DTL: variants seen among roughly 807,000 people sequenced by gnomAD.
The protein encoded by DTL is denticleless protein homolog.
A neutral mutation model predicts 87.0 loss-of-function variants in DTL; 46 were observed. The ratio of observed to expected loss-of-function variants is 0.53; its 90% CI spans 0.42 to 0.68. The LOEUF (loss-of-function observed/expected upper bound fraction) is 0.68, where lower values mean the gene tolerates loss of function less well. Ranked by LOEUF, DTL falls within the 30% of genes least tolerant of loss-of-function variation. The pLI is 0.00. For synonymous variants in DTL, 308 were observed against 311.2 expected (o/e 0.99, Z 0.11); for missense variants, 737 against 869.4 (o/e 0.85, Z 1.91).
chr1:212,037,941 T>A (rs1667535636), intron 1 of DTL, among the ~76,000 whole-genome samples: 1 of 152,234 alleles, frequency 6.6e-6, no homozygotes, highest in African/African-American at 2.4e-5. Context: ...TATTTTACAA[T>A]GATTTGTATT....
At chr1:212,050,487 A>G (rs1169669958) in intron 5 of DTL, among the ~76,000 whole-genome samples, 1 of 152,176 alleles carries the variant, frequency 6.6e-6, no homozygotes, top group Non-Finnish European at 1.5e-5. Context: ...CTCTCCTACA[A>G]ACTTACCTAT....
chr1:212,061,132 G>A (rs1654289597), intron 5 of DTL, among the ~76,000 whole-genome samples: 1 of 152,014 alleles, frequency 6.6e-6, no homozygotes. Flanking sequence ...TGGGCATGGT[G>A]GTGTACTACT....
At chr1:212,061,610 A>G (rs1445509711) in intron 5 of DTL, among the ~76,000 whole-genome samples, 5 of 152,236 alleles carry the variant, frequency 3.3e-5, no homozygotes, top group African/African-American at 1.2e-4. Context: ...TTGTTGCAGC[A>G]CTATTCACAA....
Position 212,043,046 on chromosome 1 carries a change from G to A in DTL, c.106G>A (p.Gly36Ser). The A allele has an allele frequency of 6.2e-7, 1 of 1,613,208 alleles. No homozygotes were observed. The highest frequency in any genetic ancestry group is 1.1e-5 in the South Asian group (1 of 90,978). The change falls in exon 2 of 15, where the codon GGT (glycine) becomes AGT (serine). Residue 36 changes from glycine (G) to serine (S), a missense_variant. By Grantham distance (56) the Gly-to-Ser change is moderately conservative. Coordinates refer to ENST00000366991, the MANE Select transcript of DTL (RefSeq NM_016448.4). ...CCTTCTGACTGGTTATCAGTGCAGT[G>A]GTAATGATGAACACACTTCTTATGG... Reference protein sequence around the residue: ...QSLLTGYQCSGNDEHTSYGET... With the variant: ...QSLLTGYQCSSNDEHTSYGET...
intron 12 of DTL, among the ~76,000 whole-genome samples, chr1:212,078,703 G>C (rs777855421): frequency 9.2e-5 from 14 of 152,234 alleles, no homozygotes; most frequent in Middle Eastern, 3.4e-3. Context: ...GTCTTAACAT[G>C]TTAGGTTATC....
chr1:212,041,753 G>A (rs1470818268), intron 1 of DTL, among the ~76,000 whole-genome samples: 2 of 152,040 alleles, frequency 1.3e-5, no homozygotes, highest in Non-Finnish European at 2.9e-5. Flanking sequence ...CTCGTGGTCC[G>A]CCTGCCTCTG....
Position 212,104,407 on chromosome 1 carries a change from T to C in DTL, c.*1467T>C, listed in dbSNP as rs969684220. ...AGAAAAATAAAAGGAAGCCATAGAA[T>C]TGCTCTGGTCAAAACCAAGCACACC... On this transcript the variant is annotated 3_prime_UTR_variant, in exon 15 of 15. Transcript: ENST00000366991. 1.3e-5 allele frequency: 2 copies of C among 152,166 alleles called. No individual in the cohort carries two copies. The highest frequency in any genetic ancestry group is 4.8e-5 in the African/African-American group (2 of 41,442). The allele number at this position is 152,166 out of a possible 1,614,324, so 9.4% of individuals were successfully genotyped here.
intron 13 of DTL, among the ~76,000 whole-genome samples, chr1:212,096,666 A>G (rs1558091726): frequency 6.6e-6 from 1 of 152,162 alleles, no homozygotes; most frequent in Non-Finnish European, 1.5e-5. Context: ...GGATTATTTA[A>G]TGTTGCATGG....
intron 10 of DTL, among the ~76,000 whole-genome samples, chr1:212,070,110 A>G (rs1654627142): frequency 6.6e-6 from 1 of 152,198 alleles, no homozygotes; most frequent in Admixed American, 6.5e-5. Context: ...TTTCCTTGAA[A>G]GATAAAGCGT....
intron 9 of DTL, 58 bp downstream of exon 9, chr1:212,068,385 A>AAG: frequency 8.2e-7 from 1 of 1,213,968 alleles, no homozygotes; most frequent in Admixed American, 2.3e-5. Flanking sequence ...AAAAAAAAAA[A>AAG]AAGGCTAATT....
At chr1:212,064,519 A>G (rs1441456334) in intron 6 of DTL, among the ~76,000 whole-genome samples, 2 of 152,316 alleles carry the variant, frequency 1.3e-5, no homozygotes, top group African/African-American at 2.4e-5. Flanking sequence ...TCTGTGCTCC[A>G]GTTATTCATC....
chr1:212,068,851 A>G (rs1163768776), intron 10 of DTL, 148 bp downstream of exon 10: 3 of 557,910 alleles, frequency 5.4e-6, no homozygotes, highest in South Asian at 2.6e-5. Context: ...TGATAATTTC[A>G]TAAGTGTACA....
chr1:212,092,325 A>G (rs1655307974), intron 13 of DTL, among the ~76,000 whole-genome samples: 1 of 152,200 alleles, frequency 6.6e-6, no homozygotes, highest in South Asian at 2.1e-4. Context: ...ACCTGAGGTC[A>G]GGAATTCAAG....
rs773194822 is a variant in DTL, at chr1:212,100,636, ATAGAG to A, written c.1649_1653del (p.Arg550LysfsTer21). The A allele has an allele frequency of 1.7e-5, 27 of 1,613,944 alleles. No individual in the cohort carries two copies. Among genetic ancestry groups the A allele is most frequent in the Middle Eastern group, 1.6e-4 (1 of 6,084 alleles). On this transcript the variant is annotated frameshift_variant, in exon 14 of 15. Coordinates refer to ENST00000366991, the MANE Select transcript of DTL (RefSeq NM_016448.4). LOFTEE classifies it high-confidence loss of function. ...GCAGAGGCTTGCTCTGAGTCTAGAA[ATAGAG>A]TAAAGAGGAGGCTAGACTCAAGCTG...
intron 5 of DTL, among the ~76,000 whole-genome samples, chr1:212,053,814 T>G (rs1263131430): frequency 2.0e-5 from 3 of 152,170 alleles, no homozygotes; most frequent in Non-Finnish European, 1.5e-5. Flanking sequence ...GTACGTTTCT[T>G]TAACTCATTT....
chr1:212,050,402 T>C (rs1483501350), intron 5 of DTL, among the ~76,000 whole-genome samples: 1 of 152,192 alleles, frequency 6.6e-6, no homozygotes, highest in East Asian at 1.9e-4. Flanking sequence ...TGGACTCAGA[T>C]AAGTGCTTTG....
intron 1 of DTL, among the ~76,000 whole-genome samples, chr1:212,038,607 A>C (rs374592558): frequency 6.6e-6 from 1 of 152,072 alleles, no homozygotes; most frequent in African/African-American, 2.4e-5. Context: ...GATGTGTTCT[A>C]TTTTTACTAT....
At chr1:212,054,409 A>ACAC (rs199778637) in intron 5 of DTL, among the ~76,000 whole-genome samples, 1 of 147,712 alleles carries the variant, frequency 6.8e-6, no homozygotes, top group African/African-American at 2.6e-5. Context: ...CACACACACA[A>ACAC]AAAAAAAAAA....
intron 13 of DTL, among the ~76,000 whole-genome samples, chr1:212,092,672 G>C (rs529234183): frequency 6.6e-6 from 1 of 152,346 alleles, no homozygotes; most frequent in East Asian, 1.9e-4. Context: ...GTTGATTGAA[G>C]GGCATTTGGG....
Sources: allele counts gnomAD v4.1 joint callset (sites outside exome capture counted in the v4.1 genomes callset), GRCh38; gene constraint gnomAD v4.1.1; transcripts MANE v1.5; gene names NCBI Gene and HGNC (gene_info 2026-07-23, HGNC 2026-07-21).